SFXN5: variants seen among roughly 807,000 people sequenced by gnomAD.
SFXN5 encodes sideroflexin 5, also known as sideroflexin-5.
Under a neutral mutation model 50.2 loss-of-function variants are expected in SFXN5, and 43 were observed. The observed-to-expected ratio is 0.86, with a 90% CI of 0.67 to 1.11. The LOEUF (loss-of-function observed/expected upper bound fraction) is 1.11, where lower values mean the gene tolerates loss of function less well. Among genes scored for constraint, SFXN5 ranks in the 50% least tolerant of loss-of-function variants. The pLI, the probability that SFXN5 is intolerant of heterozygous loss-of-function variation, is 0.00. For synonymous variants in SFXN5, 203 were observed against 185.8 expected (o/e 1.09, Z -0.75); for missense variants, 463 against 454.1 (o/e 1.02, Z -0.18).
At chr2:72,963,244 T>G (rs1035777905) in intron 12 of SFXN5, among the ~76,000 whole-genome samples, 5 of 151,612 alleles carry the variant, frequency 3.3e-5, no homozygotes, top group African/African-American at 1.2e-4. Context: ...CTGAGAGCAG[T>G]GAAGGGTGAG....
chr2:72,969,719 T>G (rs1320715890), intron 11 of SFXN5, among the ~76,000 whole-genome samples: 2 of 149,852 alleles, frequency 1.3e-5, no homozygotes, highest in African/African-American at 2.5e-5. Context: ...TTTTTTAACA[T>G]CTCTTAAAGA....
chr2:72,966,423 C>A (rs1317160719), intron 12 of SFXN5, among the ~76,000 whole-genome samples: 1 of 152,172 alleles, frequency 6.6e-6, no homozygotes, highest in South Asian at 2.1e-4. Context: ...CAGGGACAAC[C>A]TCAGTTCACG....
chr2:73,000,021 G>A (rs1673708744), intron 8 of SFXN5, among the ~76,000 whole-genome samples: 1 of 152,162 alleles, frequency 6.6e-6, no homozygotes, highest in African/African-American at 2.4e-5. Context: ...TCGGGACCTG[G>A]GAGCGCTAAG....
In SFXN5 at chr2:72,950,163, A is replaced by G. The variant is rs1189208960; in HGVS notation, c.946-5064T>C. Among the ~76,000 whole-genome samples the G allele has an allele frequency of 1.3e-5, 2 of 152,092 alleles. No individual in the cohort carries two copies. The highest frequency in any genetic ancestry group is 4.8e-5 in the African/African-American group (2 of 41,392). On this transcript the variant is annotated intron_variant, in intron 13 of 13. Coordinates refer to ENST00000272433, the MANE Select transcript of SFXN5 (RefSeq NM_144579.3). The surrounding 1 kb of genome is among the most constrained non-coding windows in gnomAD (Gnocchi z 4.2). Reference sequence around the variant, plus strand: ...GGGGAACAGGCACATTTGAAGGGCAAGCGGAGGGAACAAGCCTGTGATGGT... The same window carrying G: ...GGGGAACAGGCACATTTGAAGGGCAGGCGGAGGGAACAAGCCTGTGATGGT...
At chr2:73,030,066 C>G (rs1678102198) in intron 3 of SFXN5, among the ~76,000 whole-genome samples, 1 of 152,038 alleles carries the variant, frequency 6.6e-6, no homozygotes, top group African/African-American at 2.4e-5. Flanking sequence ...GAGTGAAACC[C>G]TGTTCAAAAT....
chr2:73,002,089 A>C (rs1040441257), intron 6 of SFXN5, among the ~76,000 whole-genome samples: 8 of 152,254 alleles, frequency 5.3e-5, no homozygotes, highest in African/African-American at 1.7e-4. Flanking sequence ...AAATCATTTC[A>C]AAGGCCTTAA....
chr2:72,954,240 A>G (rs1672834004), intron 13 of SFXN5, among the ~76,000 whole-genome samples: 1 of 152,102 alleles, frequency 6.6e-6, no homozygotes. Context: ...AGGGAGGGAC[A>G]TGGGGAGTTC....
chr2:73,045,726 C>T (rs4144837), intron 2 of SFXN5, among the ~76,000 whole-genome samples: 49,942 of 151,846 alleles, frequency 0.33, 10,108 homozygotes, highest in African/African-American at 0.56. Flanking sequence ...CAGTGGGTCT[C>T]GGAGGCCCAA....
intron 6 of SFXN5, among the ~76,000 whole-genome samples, chr2:73,002,951 G>T (rs1209428242): frequency 6.6e-6 from 1 of 152,216 alleles, no homozygotes; most frequent in Admixed American, 6.5e-5. Context: ...TGAAAGTGAA[G>T]GGGCTGACCT....
At chr2:72,991,348 C>T (rs773693192) in intron 9 of SFXN5, among the ~76,000 whole-genome samples, 30 of 152,246 alleles carry the variant, frequency 2.0e-4, no homozygotes, top group Admixed American at 5.2e-4. Context: ...ACATATAGTG[C>T]GGCACACATA....
At chr2:73,014,762 C>T (rs1323498539) in intron 6 of SFXN5, among the ~76,000 whole-genome samples, 2 of 152,120 alleles carry the variant, frequency 1.3e-5, no homozygotes, top group Admixed American at 6.5e-5. Context: ...GTCTAAAATA[C>T]TATTGTAAAT....
At chr2:73,047,169 G>T (rs1384645899) in intron 2 of SFXN5, among the ~76,000 whole-genome samples, 5 of 128,976 alleles carry the variant, frequency 3.9e-5, no homozygotes, top group Non-Finnish European at 6.3e-5. Context: ...AGTAAGCCAA[G>T]ATCGCACCAC....
At chr2:73,051,637 T>C (rs1266235209) in intron 2 of SFXN5, among the ~76,000 whole-genome samples, 1 of 152,228 alleles carries the variant, frequency 6.6e-6, no homozygotes, top group Admixed American at 6.5e-5. Flanking sequence ...AGGTATTTGT[T>C]ATAGCAACAC....
At chr2:73,071,483 C>A (rs1683617353) in intron 1 of SFXN5, 121 bp downstream of exon 1, 1 of 863,526 alleles carries the variant, frequency 1.2e-6, no homozygotes, top group Admixed American at 2.7e-5. Context: ...CCCCCTGGCG[C>A]TAGCTGCAGG....
At chr2:73,004,067 G>A (rs1422946969) in intron 6 of SFXN5, among the ~76,000 whole-genome samples, 4 of 152,194 alleles carry the variant, frequency 2.6e-5, no homozygotes, top group African/African-American at 7.2e-5. Flanking sequence ...CGGGACAACT[G>A]AGGCTTAGAG....
At chr2:73,055,047 G>T (rs372772333) in intron 2 of SFXN5, among the ~76,000 whole-genome samples, 2 of 152,218 alleles carry the variant, frequency 1.3e-5, no homozygotes, top group African/African-American at 2.4e-5. Context: ...CTGGACATGA[G>T]GGGGGATGGT....
intron 3 of SFXN5, among the ~76,000 whole-genome samples, chr2:73,024,970 C>T (rs1447861481): frequency 6.6e-6 from 1 of 152,166 alleles, no homozygotes; most frequent in East Asian, 1.9e-4. Context: ...ATTTTAGACA[C>T]ATTTCCAACA....
chr2:73,043,649 C>T (rs997537893), intron 2 of SFXN5, among the ~76,000 whole-genome samples: 1 of 152,152 alleles, frequency 6.6e-6, no homozygotes, highest in Non-Finnish European at 1.5e-5. Context: ...CCAAAGAGCC[C>T]CTTCCCGGAT....
intron 12 of SFXN5, 59 bp downstream of exon 12, chr2:72,968,389 C>T (rs756947420): frequency 7.2e-6 from 11 of 1,527,256 alleles, no homozygotes; most frequent in Non-Finnish European, 9.0e-6. Context: ...AGCCGGTTCC[C>T]CCTCCCTCTC....
Sources: gnomAD v4.1 joint callset for allele counts (sites outside exome capture counted in the v4.1 genomes callset) on GRCh38, gnomAD v4.1.1 for gene constraint, Gnocchi (gnomAD v3.1) non-coding constraint, MANE v1.5 for transcripts, NCBI Gene and HGNC (gene_info 2026-07-23, HGNC 2026-07-21) for gene names.